Variants in FAM107B observed in about 807,000 individuals in gnomAD.
The protein encoded by FAM107B is protein FAM107B.
Under a neutral mutation model 31.5 loss-of-function variants are expected in FAM107B, and 21 were observed. That is an observed-to-expected ratio of 0.67 (90% CI 0.47 to 0.96). FAM107B has a LOEUF of 0.96. Among genes scored for constraint, FAM107B ranks in the 40% least tolerant of loss-of-function variants. The pLI is 0.00. For synonymous variants in FAM107B, 157 were observed against 141.5 expected (o/e 1.11, Z -0.78); for missense variants, 452 against 377.1 (o/e 1.20, Z -1.64).
chr10:14,635,891 C>T (rs928553640), intron 2 of FAM107B, among the ~76,000 whole-genome samples: 4 of 152,202 alleles, frequency 2.6e-5, no homozygotes, highest in African/African-American at 7.2e-5. Context: ...CTCGGCCTCC[C>T]ACCGCATTGA....
chr10:14,577,349 A>G (rs868320194), intron 2 of FAM107B, among the ~76,000 whole-genome samples: 1 of 152,208 alleles, frequency 6.6e-6, no homozygotes, highest in African/African-American at 2.4e-5. Flanking sequence ...TCATGTTCTA[A>G]TAACGTATTC....
At chr10:14,600,561 A>G (rs888012467) in intron 2 of FAM107B, among the ~76,000 whole-genome samples, 1 of 150,566 alleles carries the variant, frequency 6.6e-6, no homozygotes, top group Non-Finnish European at 1.5e-5. Context: ...TTAATTCACC[A>G]AGCAGTGCTT....
intron 2 of FAM107B, among the ~76,000 whole-genome samples, chr10:14,596,154 C>T (rs1039507540): frequency 2.0e-5 from 3 of 152,208 alleles, no homozygotes; most frequent in African/African-American, 7.2e-5. Flanking sequence ...GATATTTGCA[C>T]TTGTTTCTGC....
intron 1 of FAM107B, among the ~76,000 whole-genome samples, chr10:14,725,094 A>T (rs770969689): frequency 1.3e-5 from 2 of 152,226 alleles, no homozygotes; most frequent in African/African-American, 2.4e-5. Flanking sequence ...CCTGAGGACC[A>T]GATGCCTTTG....
At chr10:14,543,481 T>G (rs1350998984) in intron 2 of FAM107B, among the ~76,000 whole-genome samples, 1 of 151,800 alleles carries the variant, frequency 6.6e-6, no homozygotes, top group Non-Finnish European at 1.5e-5. Context: ...GACCCGTGAC[T>G]CAGGAGCAGT....
intron 2 of FAM107B, among the ~76,000 whole-genome samples, chr10:14,628,077 T>C (rs555926942): frequency 3.3e-5 from 5 of 151,596 alleles, no homozygotes; most frequent in Non-Finnish European, 7.4e-5. Flanking sequence ...GCTCTTTCTT[T>C]CTGTTTGTTT....
chr10:14,638,078 A>G (rs1387374799), intron 2 of FAM107B, among the ~76,000 whole-genome samples: 1 of 152,192 alleles, frequency 6.6e-6, no homozygotes, highest in Non-Finnish European at 1.5e-5. Flanking sequence ...GATAACTAAT[A>G]TACTCTCCCA....
intron 2 of FAM107B, among the ~76,000 whole-genome samples, chr10:14,595,780 C>T (rs1852169976): frequency 1.3e-5 from 2 of 152,196 alleles, no homozygotes; most frequent in Non-Finnish European, 2.9e-5. Flanking sequence ...ATGGCACCAT[C>T]TTTCACCCAA....
chr10:14,687,955 T>C (rs1378527468), intron 1 of FAM107B, among the ~76,000 whole-genome samples: 1 of 152,188 alleles, frequency 6.6e-6, no homozygotes, highest in African/African-American at 2.4e-5. Context: ...GTATTGATCT[T>C]GGGTTTGTCT....
chr10:14,752,425 C>G (rs1018735748), intron 1 of FAM107B, among the ~76,000 whole-genome samples: 1 of 152,178 alleles, frequency 6.6e-6, no homozygotes, highest in Non-Finnish European at 1.5e-5. Context: ...AACATTCAGA[C>G]GAGTGTTTTG....
intron 1 of FAM107B, among the ~76,000 whole-genome samples, chr10:14,772,464 C>A (rs1476446167): frequency 6.6e-6 from 1 of 152,020 alleles, no homozygotes; most frequent in African/African-American, 2.4e-5. Context: ...GTGCTCTGCA[C>A]AGCTTAGCTC....
At chr10:14,598,701 A>C (rs7896835) in intron 2 of FAM107B, among the ~76,000 whole-genome samples, 138,688 of 152,238 alleles carry the variant, frequency 0.91, 63,810 homozygotes, top group Non-Finnish European at 0.97. Context: ...TCTCATGTTA[A>C]GTGCTCTTAT....
At chr10:14,745,559 C>T (rs1190702286) in intron 1 of FAM107B, among the ~76,000 whole-genome samples, 1 of 152,088 alleles carries the variant, frequency 6.6e-6, no homozygotes, top group Non-Finnish European at 1.5e-5. Flanking sequence ...TCATTATTTA[C>T]CCAGGAGTCA....
chr10:14,759,837 G>A (rs1300149040), intron 1 of FAM107B, among the ~76,000 whole-genome samples: 1 of 151,714 alleles, frequency 6.6e-6, no homozygotes. Context: ...TCAGCCTCCC[G>A]AGTGTCTGCG....
intron 3 of FAM107B, among the ~76,000 whole-genome samples, chr10:14,522,467 G>T (rs545234396): frequency 6.5e-4 from 98 of 151,516 alleles, no homozygotes; most frequent in Admixed American, 4.9e-3. Flanking sequence ...AGGCTGGAGT[G>T]CAGTGGCAGG....
intron 2 of FAM107B, chr10:14,572,383 A>ATGCG: frequency 1.0e-6 from 1 of 985,396 alleles, no homozygotes; most frequent in Non-Finnish European, 1.2e-6. Context: ...TGCAGGAAGC[A>ATGCG]TGCGTGAGTC....
chr10:14,731,256 G>A (rs374847224), intron 1 of FAM107B, among the ~76,000 whole-genome samples: 11 of 152,210 alleles, frequency 7.2e-5, no homozygotes, highest in East Asian at 1.9e-4. Context: ...CAGTGAGGGC[G>A]CGGGATTAAA....
intron 2 of FAM107B, among the ~76,000 whole-genome samples, chr10:14,541,349 G>C (rs770503342): frequency 1.3e-5 from 2 of 152,142 alleles, no homozygotes; most frequent in Non-Finnish European, 2.9e-5. Flanking sequence ...CCCCCTTCTC[G>C]ATAGTGGAGT....
intron 2 of FAM107B, among the ~76,000 whole-genome samples, chr10:14,658,106 G>T (rs1394353104): frequency 6.6e-6 from 1 of 152,164 alleles, no homozygotes; most frequent in Non-Finnish European, 1.5e-5. Flanking sequence ...TTAGCACCTG[G>T]CTAACCTTCA....
Sources: gnomAD v4.1 joint callset for allele counts (sites outside exome capture counted in the v4.1 genomes callset) on GRCh38, gnomAD v4.1.1 for gene constraint, MANE v1.5 for transcripts, NCBI Gene and HGNC (gene_info 2026-07-23, HGNC 2026-07-21) for gene names.